HCN1: variants seen among roughly 807,000 people sequenced by gnomAD.
The protein encoded by HCN1 is potassium/sodium hyperpolarization-activated cyclic nucleotide-gated channel 1.
HCN1 carries 13 observed loss-of-function variants against 78.9 expected under a neutral mutation model. That is an observed-to-expected ratio of 0.16 (90% CI 0.11 to 0.26). The LOEUF is 0.26. Ranked by LOEUF, HCN1 falls within the 10% of genes least tolerant of loss-of-function variation. The probability of loss-of-function intolerance (pLI) is 1.00; values close to 1 mark genes in which losing one functional copy is unlikely to be tolerated. For missense variants in HCN1, 810 were observed against 1,154.3 expected (o/e 0.70, Z 4.32); for synonymous variants, 552 against 455.5 (o/e 1.21, Z -2.70).
chr5:45,529,566 C>A (rs1742798960), intron 2 of HCN1, among the ~76,000 whole-genome samples: 2 of 151,958 alleles, frequency 1.3e-5, no homozygotes, highest in South Asian at 4.1e-4. Context: ...CTGGAAAAAT[C>A]TAGAAATCAG....
At chr5:45,420,571 T>G (rs554827664) in intron 3 of HCN1, among the ~76,000 whole-genome samples, 1 of 152,288 alleles carries the variant, frequency 6.6e-6, no homozygotes, top group South Asian at 2.1e-4. Flanking sequence ...CGACAACATG[T>G]GGAAGTGGCA....
intron 5 of HCN1, among the ~76,000 whole-genome samples, chr5:45,309,247 T>A (rs1274301318): frequency 6.6e-6 from 1 of 152,184 alleles, no homozygotes; most frequent in Non-Finnish European, 1.5e-5. Flanking sequence ...AAGTTGCTTA[T>A]CAGCTGAGGA....
intron 3 of HCN1, among the ~76,000 whole-genome samples, chr5:45,414,886 G>C (rs1318151643): frequency 6.6e-6 from 1 of 151,848 alleles, no homozygotes; most frequent in Admixed American, 6.6e-5. Flanking sequence ...AAATGACTTG[G>C]CATCCTTAAT....
At chr5:45,364,392 C>A (rs569914272) in intron 4 of HCN1, among the ~76,000 whole-genome samples, 1 of 152,040 alleles carries the variant, frequency 6.6e-6, no homozygotes, top group East Asian at 1.9e-4. Context: ...ATGGGCACAT[C>A]AAACGCAAAA....
chr5:45,585,494 T>A (rs1744195461), intron 2 of HCN1, among the ~76,000 whole-genome samples: 1 of 152,096 alleles, frequency 6.6e-6, no homozygotes. Flanking sequence ...TAGCTCAGAG[T>A]AGTTTGATCG....
chr5:45,406,133 T>C (rs1739915207), intron 3 of HCN1, among the ~76,000 whole-genome samples: 1 of 152,166 alleles, frequency 6.6e-6, no homozygotes, highest in Non-Finnish European at 1.5e-5. Flanking sequence ...TAAGAGTTCA[T>C]TGGTACTATT....
chr5:45,340,408 C>G (rs904545861), intron 5 of HCN1, among the ~76,000 whole-genome samples: 45 of 152,126 alleles, frequency 3.0e-4, no homozygotes, highest in African/African-American at 1.0e-3. Context: ...ATTCTGGAAT[C>G]CTAACTTCTC....
chr5:45,528,716 AC>A (rs1742787029), intron 2 of HCN1, among the ~76,000 whole-genome samples: 1 of 151,916 alleles, frequency 6.6e-6, no homozygotes, highest in Non-Finnish European at 1.5e-5. Flanking sequence ...TTTTGCCTTA[AC>A]CCCCACACTA....
At chr5:45,638,889 C>T in intron 2 of HCN1, among the ~76,000 whole-genome samples, 1 of 152,124 alleles carries the variant, frequency 6.6e-6, no homozygotes, top group Non-Finnish European at 1.5e-5. Flanking sequence ...GGCGACATAG[C>T]AGTTGCCTTG....
intron 3 of HCN1, among the ~76,000 whole-genome samples, chr5:45,427,705 G>T (rs1203052371): frequency 6.6e-6 from 1 of 152,034 alleles, no homozygotes; most frequent in East Asian, 1.9e-4. Context: ...ATGTTTGGTT[G>T]CACTAAATTG....
At position 45,261,959 on chromosome 5, in the gene HCN1, G is replaced by T. The variant is rs761866949; in HGVS notation, c.2635C>A (p.Pro879Thr). 56 of 1,614,046 alleles carry T rather than the reference G, an allele frequency of 3.5e-5. No homozygotes were observed. The highest frequency in any genetic ancestry group is 6.7e-5 in the Admixed American group (4 of 60,012). ...GCAAATCGTGGCTTTTCTGCGTCTG[G>T]GTCTGTGTTTAAGACTGAGGAAGAT... ...RESSSVLNTD[P>T]DAEKPRFASN... The change falls in exon 8 of 8, where the codon CCA becomes ACA. Residue 879 changes from proline (P) to threonine (T), a missense_variant. Transcript: ENST00000303230.
At chr5:45,468,952 T>C (rs932510281) in intron 2 of HCN1, among the ~76,000 whole-genome samples, 1 of 152,012 alleles carries the variant, frequency 6.6e-6, no homozygotes, top group African/African-American at 2.4e-5. Flanking sequence ...TGAGCTGAAC[T>C]GTTTCTATTA....
chr5:45,523,001 C>A (rs1015022552), intron 2 of HCN1, among the ~76,000 whole-genome samples: 2 of 151,898 alleles, frequency 1.3e-5, no homozygotes, highest in Non-Finnish European at 2.9e-5. Flanking sequence ...AAGGCCATCC[C>A]TCCCCACTCC....
Position 45,255,161 on chromosome 5 carries a change from T to C in HCN1, c.*6760A>G, listed in dbSNP as rs771183290. ...AACTAGCAAGTGCCAGGAGGCAGGC[T>C]GGGTTAGACAGCGTGACCAAGAGTA... On this transcript the variant is annotated 3_prime_UTR_variant, in exon 8 of 8. Transcript: ENST00000303230. 2 of 152,214 alleles carry C rather than the reference T, an allele frequency of 1.3e-5. No homozygotes were observed. Among genetic ancestry groups the C allele is most frequent in the Non-Finnish European group, 2.9e-5 (2 of 68,032 alleles). 9.4% of individuals were successfully genotyped at this position (152,214 alleles called of 1,614,324 possible). A position where few individuals can be genotyped will look rare whatever the true frequency, so the allele number is the denominator to read the frequency against.
intron 6 of HCN1, among the ~76,000 whole-genome samples, chr5:45,298,990 T>C (rs1745553157): frequency 6.6e-6 from 1 of 152,002 alleles, no homozygotes; most frequent in Non-Finnish European, 1.5e-5. Context: ...TCCGATCTAA[T>C]CTTGAGAAAA....
intron 3 of HCN1, among the ~76,000 whole-genome samples, chr5:45,457,811 T>C (rs973159785): frequency 6.6e-6 from 1 of 152,100 alleles, no homozygotes; most frequent in African/African-American, 2.4e-5. Flanking sequence ...GCCAAACTTA[T>C]ATTTATAACT....
intron 2 of HCN1, among the ~76,000 whole-genome samples, chr5:45,612,361 T>G (rs1436236897): frequency 1.3e-5 from 2 of 152,206 alleles, no homozygotes; most frequent in African/African-American, 2.4e-5. Context: ...TCATAGGCAC[T>G]AAGTCTCTTG....
intron 5 of HCN1, among the ~76,000 whole-genome samples, chr5:45,333,472 A>G (rs982335378): frequency 2.6e-5 from 4 of 151,616 alleles, no homozygotes; most frequent in Non-Finnish European, 5.9e-5. Flanking sequence ...TTTAACGTCC[A>G]GAAGCTTTTT....
chr5:45,548,020 T>C (rs1218761572), intron 2 of HCN1, among the ~76,000 whole-genome samples: 1 of 151,888 alleles, frequency 6.6e-6, no homozygotes, highest in Non-Finnish European at 1.5e-5. Context: ...TTGACCAGAA[T>C]AAAACATTAT....
Sources: gnomAD v4.1 joint callset for allele counts (sites outside exome capture counted in the v4.1 genomes callset) on GRCh38, gnomAD v4.1.1 for gene constraint, MANE v1.5 for transcripts, NCBI Gene and HGNC (gene_info 2026-07-23, HGNC 2026-07-21) for gene names.